The following SESN3 variants were observed in gnomAD, a reference collection of about 807,000 sequenced individuals.
The protein encoded by SESN3 is sestrin 3.
A neutral mutation model predicts 55.3 loss-of-function variants in SESN3; 21 were observed. The observed-to-expected ratio is 0.38, with a 90% confidence interval of 0.27 to 0.55. The LOEUF (loss-of-function observed/expected upper bound fraction) is 0.55, where lower values mean the gene tolerates loss of function less well. Among genes scored for constraint, SESN3 ranks in the 20% least tolerant of loss-of-function variants. The pLI is 0.76. For missense variants in SESN3, 408 were observed against 604.3 expected, an observed-to-expected ratio of 0.68 and a Z score of 3.41; for synonymous variants, 181 against 203.1, an observed-to-expected ratio of 0.89 and a Z score of 0.93.
chr11:95,225,285 A>C (rs1194336510), intron 1 of SESN3, among the ~76,000 whole-genome samples: 1 of 152,208 alleles, frequency 6.6e-6, no homozygotes, highest in African/African-American at 2.4e-5. Context: ...TTGGACCCAC[A>C]GGGATCCAAG....
chr11:95,170,482 A>G lies in SESN3; in HGVS notation c.*2773T>C, dbSNP rs1859829366. ...GGCACAATGTGAGCGCAAGGTGTAG[A>G]TCAGCATATTGCATAATCACGTCAT... On this transcript the variant is annotated 3_prime_UTR_variant, in exon 10 of 10. Transcript: ENST00000536441. 6.6e-6 allele frequency: 1 copy of G among 152,204 alleles called. No individual in the cohort carries two copies. The highest frequency in any genetic ancestry group is 1.5e-5 in the Non-Finnish European group (1 of 68,042). The allele number at this position is 152,204 out of a possible 1,614,324, so 9.4% of individuals were successfully genotyped here. A position where few individuals can be genotyped will look rare whatever the true frequency, so the allele number is the denominator to read the frequency against.
In SESN3 at chr11:95,168,881, C is replaced by T. The variant is rs1054061147; in HGVS notation, c.*4374G>A. 1.3e-5 allele frequency: 2 copies of T among 152,580 alleles called. No individual in the cohort carries two copies. Among genetic ancestry groups the T allele is most frequent in the Non-Finnish European group, 2.9e-5 (2 of 68,358 alleles). The allele number at this position is 152,580 out of a possible 1,614,324, so 9.5% of individuals were successfully genotyped here. The stretch of plus-strand genomic sequence containing the variant: ...GAGTGAGCATGTAGAGGTTGAGGCA[C>T]TTGGAGGAAGAAGCAGGCAGAAAAG... On this transcript the variant is annotated 3_prime_UTR_variant, in exon 10 of 10. Coordinates refer to ENST00000536441, the MANE Select transcript of SESN3 (RefSeq NM_144665.4).
chr11:95,190,016 C>A, intron 3 of SESN3, 55 bp from the exon 4 acceptor site: 1 of 1,315,236 alleles, frequency 7.6e-7, no homozygotes, highest in Non-Finnish European at 1.0e-6. Context: ...GAGTTTCTTT[C>A]CACTATTTCT....
chr11:95,195,093 T>C (rs1860336849), intron 1 of SESN3, among the ~76,000 whole-genome samples: 1 of 152,120 alleles, frequency 6.6e-6, no homozygotes, highest in Admixed American at 6.6e-5. Flanking sequence ...TCGAAATCTT[T>C]AAATAATAAA....
rs1446243408 is a variant in SESN3, at chr11:95,171,868, T to C, written c.*1387A>G. On this transcript the variant is annotated 3_prime_UTR_variant, in exon 10 of 10. Transcript: ENST00000536441. ...AAACACATAATGTGCTCTCTGAAGA[T>C]AGTCTAATCAAGCAACGTAAACCAA... 2 of 152,158 alleles carry C rather than the reference T, an allele frequency of 1.3e-5. No homozygotes were observed. The highest frequency in any genetic ancestry group is 1.3e-4 in the Admixed American group (2 of 15,272). The allele number at this position is 152,158 out of a possible 1,614,324, so 9.4% of individuals were successfully genotyped here. A position where few individuals can be genotyped will look rare whatever the true frequency, so the allele number is the denominator to read the frequency against.
chr11:95,182,720 A>G (rs1860079671), intron 6 of SESN3, among the ~76,000 whole-genome samples: 1 of 152,210 alleles, frequency 6.6e-6, no homozygotes. Context: ...TCTTAAGGTT[A>G]GCAAGATCCT....
In SESN3 at chr11:95,170,221, G is replaced by A. The variant is rs1246438736; in HGVS notation, c.*3034C>T. On this transcript the variant is annotated 3_prime_UTR_variant, in exon 10 of 10. Coordinates refer to ENST00000536441, the MANE Select transcript of SESN3 (RefSeq NM_144665.4). ...CCTGCCTGGCTACTCCCATAGTCAG[G>A]TGGGTTAAAGAACAGATTATTTTCA... is the stretch of plus-strand genomic sequence containing the variant. 6.6e-6 allele frequency: 1 copy of A among 152,168 alleles called. No homozygotes were observed. The highest frequency in any genetic ancestry group is 2.4e-5 in the African/African-American group (1 of 41,438). The allele number at this position is 152,168 out of a possible 1,614,324, so 9.4% of individuals were successfully genotyped here.
In SESN3 at chr11:95,214,384, A is replaced by G. The variant is rs140137101; in HGVS notation, c.78+16399T>C. On this transcript the variant is annotated intron_variant, in intron 1 of 9. Transcript: ENST00000536441. ...TCAAAATTAGATACAACCAAAGAACAAAATAAAATGACTTATAGTTACTGT... is the reference window on the plus strand; with the variant it reads ...TCAAAATTAGATACAACCAAAGAACGAAATAAAATGACTTATAGTTACTGT... Among the ~76,000 whole-genome samples the G allele has an allele frequency of 5.1e-3, 773 of 152,336 alleles. 7 individuals carry two copies. In the Middle Eastern group the frequency reaches 0.065, roughly 13 times the overall value.
rs1381358029 is a variant in SESN3 at position 95,168,036 on chromosome 11, C to T, written c.*5219G>A. 2 of 152,080 alleles carry T rather than the reference C, an allele frequency of 1.3e-5. No individual in the cohort carries two copies. The highest frequency in any genetic ancestry group is 2.9e-5 in the Non-Finnish European group (2 of 68,002). The allele number at this position is 152,080 out of a possible 1,614,324, so 9.4% of individuals were successfully genotyped here. ...TCTAACCCAGGAAAGCCTGGTTAAA[C>T]CCTTATGTACCCAATTTTGTGTTAT... On this transcript the variant is annotated 3_prime_UTR_variant, in exon 10 of 10. Transcript: ENST00000536441.
At chr11:95,215,521 G>A (rs1042193551) in intron 1 of SESN3, among the ~76,000 whole-genome samples, 5 of 152,114 alleles carry the variant, frequency 3.3e-5, no homozygotes, top group African/African-American at 1.2e-4. Context: ...AGACCGAGTT[G>A]ATTCCTAAAA....
At chr11:95,209,684 T>C (rs1341099884) in intron 1 of SESN3, among the ~76,000 whole-genome samples, 1 of 150,774 alleles carries the variant, frequency 6.6e-6, no homozygotes, top group East Asian at 1.9e-4. Flanking sequence ...ATAAAGAAAA[T>C]GTGGCACATA....
chr11:95,175,968 G>A (rs1859947943), intron 8 of SESN3, among the ~76,000 whole-genome samples: 1 of 152,184 alleles, frequency 6.6e-6, no homozygotes, highest in South Asian at 2.1e-4. Context: ...TCTGGGAGGA[G>A]AGGAGTTGTT....
chr11:95,218,522 C>T (rs1021540602), intron 1 of SESN3, among the ~76,000 whole-genome samples: 1 of 152,100 alleles, frequency 6.6e-6, no homozygotes, highest in African/African-American at 2.4e-5. Flanking sequence ...GCCTAAGAAT[C>T]TGAAGGCCAG....
chr11:95,205,481 T>A (rs1434793622), intron 1 of SESN3, among the ~76,000 whole-genome samples: 3 of 152,104 alleles, frequency 2.0e-5, no homozygotes, highest in Non-Finnish European at 4.4e-5. Context: ...ATTGAGTGAC[T>A]AATGGAATAT....
intron 1 of SESN3, among the ~76,000 whole-genome samples, chr11:95,197,647 GTTCCTTGCAACTCC>G (rs1860387045): frequency 1.3e-5 from 2 of 151,878 alleles, no homozygotes; most frequent in African/African-American, 2.4e-5. Context: ...TTTCCTAGAT[GTTCCTTGCAACTCC>G]TTCCTTATAA....
chr11:95,168,956 G>T lies in SESN3; in HGVS notation c.*4299C>A, dbSNP rs1400387237. 1 of 152,252 alleles carries T rather than the reference G, an allele frequency of 6.6e-6. No homozygotes were observed. The highest frequency in any genetic ancestry group is 1.5e-5 in the Non-Finnish European group (1 of 68,086). 9.4% of individuals were successfully genotyped at this position (152,252 alleles called of 1,614,324 possible). A position where few individuals can be genotyped will look rare whatever the true frequency, so the allele number is the denominator to read the frequency against. ...TCCCACATGGGAAATATTTTCTCTA[G>T]ATTAGGTGTACGGTGCTGAAGGCAG... On this transcript the variant is annotated 3_prime_UTR_variant, in exon 10 of 10. Transcript: ENST00000536441.
rs1275421581 is a variant in SESN3, at chr11:95,230,771, C to T, written c.78+12G>A. The T allele has an allele frequency of 1.9e-6, 3 of 1,603,292 alleles. No individual in the cohort carries two copies. The African/African-American group carries it at 4.1e-5, about 22-fold the overall frequency. On this transcript the variant is annotated intron_variant, in intron 1 of 9. Transcript: ENST00000536441. This position sits in a 1 kb window ranked among gnomAD's most constrained non-coding sequence, Gnocchi z 4.6. ...CGACCCTCGCCGGCAGGACCCCGGGCCGAACCCGTACCTTCCGCAGCACTT... is the reference window on the plus strand; with the variant it reads ...CGACCCTCGCCGGCAGGACCCCGGGTCGAACCCGTACCTTCCGCAGCACTT...
intron 1 of SESN3, among the ~76,000 whole-genome samples, chr11:95,209,593 T>A (rs1591069196): frequency 2.0e-5 from 3 of 151,488 alleles, no homozygotes; most frequent in African/African-American, 7.3e-5. Context: ...TAAAGACATA[T>A]GCACATGTAT....
Position 95,169,187 on chromosome 11 carries a change from G to A in SESN3, c.*4068C>T, listed in dbSNP as rs1859804972. On this transcript the variant is annotated 3_prime_UTR_variant, in exon 10 of 10. Transcript: ENST00000536441. ...CACATACAGTGGGCATATAAGTTCT[G>A]TTGACTGAGATAAATACATTCATGT... The A allele has an allele frequency of 6.6e-6, 1 of 152,128 alleles. No homozygotes were observed. The highest frequency in any genetic ancestry group is 2.1e-4 in the South Asian group (1 of 4,830). The allele number at this position is 152,128 out of a possible 1,614,324, so 9.4% of individuals were successfully genotyped here.
Sources: gnomAD v4.1 joint callset for allele counts (sites outside exome capture counted in the v4.1 genomes callset) on GRCh38, gnomAD v4.1.1 for gene constraint, Gnocchi (gnomAD v3.1) non-coding constraint, MANE v1.5 for transcripts, NCBI Gene and HGNC (gene_info 2026-07-23, HGNC 2026-07-21) for gene names.